VAPB: variants seen among roughly 807,000 people sequenced by gnomAD.
VAPB encodes the protein vesicle-associated membrane protein-associated protein B/C.
A neutral mutation model predicts 25.6 loss-of-function variants in VAPB; 7 were observed. The observed-to-expected ratio is 0.27, with a 90% CI of 0.16 to 0.51. The LOEUF (loss-of-function observed/expected upper bound fraction) is 0.51. Among genes scored for constraint, VAPB ranks in the 20% least tolerant of loss-of-function variants. The pLI is 0.97. For missense variants in VAPB, 266 were observed against 301.3 expected, an observed-to-expected ratio of 0.88 and a Z score of 0.87; for synonymous variants, 112 against 109.2, an observed-to-expected ratio of 1.03 and a Z score of -0.16.
chr20:58,410,745 C>T (rs1411618146), intron 1 of VAPB, among the ~76,000 whole-genome samples: 2 of 152,078 alleles, frequency 1.3e-5, no homozygotes, highest in African/African-American at 4.8e-5. Flanking sequence ...TTTTTATTGT[C>T]TCTGTAGTTT....
intron 1 of VAPB, among the ~76,000 whole-genome samples, chr20:58,407,265 T>C (rs1216403756): frequency 2.0e-5 from 3 of 152,234 alleles, no homozygotes; most frequent in Admixed American, 1.3e-4. Context: ...GTCAGAATTG[T>C]ACACATGGGT....
rs1989354839 is a variant in VAPB at position 58,448,585 on chromosome 20, A to G, written c.*4350A>G. 1 of 454,004 alleles carries G rather than the reference A, an allele frequency of 2.2e-6. No homozygotes were observed. The highest frequency in any genetic ancestry group is 4.4e-6 in the Non-Finnish European group (1 of 226,750). 28.1% of individuals were successfully genotyped at this position (454,004 alleles called of 1,614,324 possible). The stretch of plus-strand genomic sequence containing the variant: ...GTAAGGCCTACATTGCTAAGATACC[A>G]TTTCAGCTCTGAAAATCTGCTTCAG... On this transcript the variant is annotated 3_prime_UTR_variant, in exon 6 of 6. Transcript: ENST00000475243.
chr20:58,440,912 T>C lies in VAPB; in HGVS notation c.402T>C (p.Asp134=). 6.2e-7 allele frequency: 1 copy of C among 1,613,358 alleles called. No homozygotes were observed. Among genetic ancestry groups the C allele is most frequent in the Non-Finnish European group, 8.5e-7 (1 of 1,179,638 alleles). ...ELPAENDKPH[D]VEINKIISTT... ...TTTCATTTGTTTTTGAACAGCATGA[T>C]GTAGAAATAAATAAAATTATATCCA... The change falls in exon 5 of 6, where the codon GAT becomes GAC. Residue 134 remains aspartate, a synonymous_variant. Transcript: ENST00000475243.
intron 1 of VAPB, among the ~76,000 whole-genome samples, chr20:58,398,880 C>A: frequency 6.7e-6 from 1 of 150,052 alleles, no homozygotes. Context: ...TGTCGTCATG[C>A]TGGCTGTGTT....
At chr20:58,417,089 A>G (rs1212162119) in intron 1 of VAPB, among the ~76,000 whole-genome samples, 1 of 152,230 alleles carries the variant, frequency 6.6e-6, no homozygotes, top group East Asian at 1.9e-4. Context: ...AAATGCAAAG[A>G]CAAGAGTAAA....
chr20:58,430,494 A>C (rs1988903098), intron 2 of VAPB, among the ~76,000 whole-genome samples: 1 of 152,140 alleles, frequency 6.6e-6, no homozygotes, highest in East Asian at 1.9e-4. Flanking sequence ...TCCTGGCCTC[A>C]GGTGATCCAC....
chr20:58,397,233 C>T (rs1057058782), intron 1 of VAPB, among the ~76,000 whole-genome samples: 1 of 152,052 alleles, frequency 6.6e-6, no homozygotes, highest in African/African-American at 2.4e-5. Flanking sequence ...ATTTAGAAAG[C>T]ATTCGGCCGG....
chr20:58,402,832 C>T (rs1230746197), intron 1 of VAPB, among the ~76,000 whole-genome samples: 1 of 152,132 alleles, frequency 6.6e-6, no homozygotes, highest in Non-Finnish European at 1.5e-5. Context: ...TGGCGAAACC[C>T]CATCTCTACT....
chr20:58,395,641 T>C (rs557499952), intron 1 of VAPB, among the ~76,000 whole-genome samples: 5 of 152,338 alleles, frequency 3.3e-5, no homozygotes, highest in East Asian at 1.9e-4. Context: ...TTTTGCGTTA[T>C]TTTGCACCGA....
At chr20:58,433,123 T>C (rs1361621742) in intron 2 of VAPB, among the ~76,000 whole-genome samples, 1 of 152,170 alleles carries the variant, frequency 6.6e-6, no homozygotes, top group East Asian at 1.9e-4. Flanking sequence ...GGTATTTCTA[T>C]CCTGTTTTGT....
intron 2 of VAPB, among the ~76,000 whole-genome samples, chr20:58,419,200 C>A (rs551946719): frequency 2.0e-5 from 3 of 152,300 alleles, no homozygotes; most frequent in Admixed American, 1.3e-4. Flanking sequence ...AAATGAGTAT[C>A]TCTCTGGCTT....
chr20:58,389,439 G>C lies in VAPB; in HGVS notation c.-21G>C, dbSNP rs777618374. On this transcript the variant is annotated 5_prime_UTR_variant, in exon 1 of 6. Transcript: ENST00000475243. ...ACCTCTCAGGGGTCTCCCCGCCAAA[G>C]GTGCTCCGCCGCTAAGGAACATGGC... 12 of 1,585,258 alleles carry C rather than the reference G, an allele frequency of 7.6e-6. No individual in the cohort carries two copies. In the Admixed American group the frequency reaches 1.6e-4, roughly 21 times the overall value.
intron 2 of VAPB, among the ~76,000 whole-genome samples, chr20:58,427,652 T>G (rs911665708): frequency 1.3e-5 from 2 of 151,902 alleles, no homozygotes; most frequent in Admixed American, 6.5e-5. Flanking sequence ...GTTACCATTA[T>G]GATGCAGGCA....
At chr20:58,390,435 G>T in intron 1 of VAPB, 1 of 145,444 alleles carries the variant, frequency 6.9e-6, no homozygotes. Context: ...GTTCTTGTCT[G>T]ACATGCTCAT....
chr20:58,420,413 G>A (rs1988645191), intron 2 of VAPB, among the ~76,000 whole-genome samples: 1 of 152,200 alleles, frequency 6.6e-6, no homozygotes, highest in Admixed American at 6.5e-5. Context: ...TTGTGGTTGT[G>A]GCCTTCCTTT....
At chr20:58,418,407 C>A (rs1988597783) in intron 2 of VAPB, 44 bp downstream of exon 2, 1 of 1,603,618 alleles carries the variant, frequency 6.2e-7, no homozygotes, top group Admixed American at 1.7e-5. Flanking sequence ...CTCAGAAGGC[C>A]CCTGGACAGT....
intron 4 of VAPB, chr20:58,440,316 C>T (rs999379518): frequency 6.5e-6 from 1 of 153,360 alleles, no homozygotes; most frequent in Non-Finnish European, 1.5e-5. Context: ...CATGCCCTCC[C>T]TCCACTGACT....
At chr20:58,428,313 G>T (rs1988852162) in intron 2 of VAPB, among the ~76,000 whole-genome samples, 1 of 152,188 alleles carries the variant, frequency 6.6e-6, no homozygotes, top group Non-Finnish European at 1.5e-5. Flanking sequence ...CTGTCTTCTG[G>T]TAACAGGCTT....
intron 1 of VAPB, among the ~76,000 whole-genome samples, chr20:58,408,171 A>T (rs1416874991): frequency 1.3e-5 from 2 of 152,110 alleles, no homozygotes; most frequent in Non-Finnish European, 2.9e-5. Flanking sequence ...TGTGCCTTTG[A>T]TGGCATCATC....
Sources: allele counts gnomAD v4.1 joint callset (sites outside exome capture counted in the v4.1 genomes callset), GRCh38; gene constraint gnomAD v4.1.1; transcripts MANE v1.5; gene names NCBI Gene and HGNC (gene_info 2026-07-23, HGNC 2026-07-21).